The following CFAP299 variants were observed in gnomAD, a reference collection of about 807,000 sequenced individuals.
CFAP299 encodes cilia- and flagella-associated protein 299.
A neutral mutation model predicts 27.0 loss-of-function variants in CFAP299; 21 were observed. That is an observed-to-expected ratio of 0.78 (90% CI 0.55 to 1.12). CFAP299 has a LOEUF of 1.12. CFAP299 is among the 50% of genes most tolerant of loss of function. CFAP299 has a pLI of 0.00. For synonymous variants in CFAP299, 104 were observed against 98.1 expected, an observed-to-expected ratio of 1.06 and a Z score of -0.36; for missense variants, 310 against 276.6, an observed-to-expected ratio of 1.12 and a Z score of -0.86.
chr4:80,675,850 C>T (rs114930788), intron 3 of CFAP299, among the ~76,000 whole-genome samples: 1,641 of 152,302 alleles, frequency 0.011, 33 homozygotes, highest in African/African-American at 0.036. Flanking sequence ...CTGAGGCAGG[C>T]GCAGGATATA....
At chr4:80,660,155 G>T (rs1407706391) in intron 3 of CFAP299, among the ~76,000 whole-genome samples, 1 of 152,068 alleles carries the variant, frequency 6.6e-6, no homozygotes, top group South Asian at 2.1e-4. Context: ...AGAGGAATAT[G>T]GATAGTAGAA....
At chr4:80,663,673 A>G (rs1311910281) in intron 3 of CFAP299, among the ~76,000 whole-genome samples, 1 of 152,216 alleles carries the variant, frequency 6.6e-6, no homozygotes, top group African/African-American at 2.4e-5. Flanking sequence ...GCTGGGCCAA[A>G]TAGTGGTTCT....
At chr4:80,601,663 A>G (rs1737355551) in intron 3 of CFAP299, among the ~76,000 whole-genome samples, 1 of 152,172 alleles carries the variant, frequency 6.6e-6, no homozygotes, top group Admixed American at 6.6e-5. Flanking sequence ...ATAGTGGACA[A>G]TACCTAGGGT....
At chr4:80,472,943 G>T (rs966734263) in intron 2 of CFAP299, among the ~76,000 whole-genome samples, 5 of 152,050 alleles carry the variant, frequency 3.3e-5, no homozygotes, top group Non-Finnish European at 7.4e-5. Context: ...TGCCATACAG[G>T]TGATTAATTG....
At chr4:80,659,917 C>T (rs980414231) in intron 3 of CFAP299, among the ~76,000 whole-genome samples, 4 of 151,796 alleles carry the variant, frequency 2.6e-5, no homozygotes, top group African/African-American at 9.7e-5. Context: ...ATTATTCAAC[C>T]CTTAGTAAAA....
At chr4:80,864,477 T>TAC (rs1348369775) in intron 3 of CFAP299, among the ~76,000 whole-genome samples, 1 of 141,780 alleles carries the variant, frequency 7.1e-6, no homozygotes, top group Non-Finnish European at 1.5e-5. Flanking sequence ...TACCTATGTG[T>TAC]ATACATATAT....
chr4:80,365,812 A>G (rs1013511150), intron 2 of CFAP299, among the ~76,000 whole-genome samples: 1 of 152,208 alleles, frequency 6.6e-6, no homozygotes, highest in Non-Finnish European at 1.5e-5. Flanking sequence ...CGAGTTATTC[A>G]TGTTTAAAGT....
intron 3 of CFAP299, among the ~76,000 whole-genome samples, chr4:80,634,144 A>G (rs1250486149): frequency 6.6e-6 from 1 of 151,904 alleles, no homozygotes; most frequent in Non-Finnish European, 1.5e-5. Context: ...CACCACGCCC[A>G]GCTAATTTTT....
At chr4:80,416,150 AC>A (rs1408196093) in intron 2 of CFAP299, among the ~76,000 whole-genome samples, 1 of 152,208 alleles carries the variant, frequency 6.6e-6, no homozygotes, top group Non-Finnish European at 1.5e-5. Context: ...ACCAGGTGAC[AC>A]CCATCCTGTT....
intron 4 of CFAP299, among the ~76,000 whole-genome samples, chr4:80,922,746 T>A (rs1736109287): frequency 6.6e-6 from 1 of 151,540 alleles, no homozygotes; most frequent in Non-Finnish European, 1.5e-5. Flanking sequence ...ATGAAGAATA[T>A]AAGGTATAAA....
intron 2 of CFAP299, among the ~76,000 whole-genome samples, chr4:80,580,502 G>A (rs7669743): frequency 0.045 from 6,898 of 151,918 alleles, 547 homozygotes; most frequent in African/African-American, 0.16. Context: ...AGGATGCTCT[G>A]TGGGTATGTA....
At chr4:80,400,508 A>G (rs1209095715) in intron 2 of CFAP299, among the ~76,000 whole-genome samples, 1 of 151,542 alleles carries the variant, frequency 6.6e-6, no homozygotes, top group Admixed American at 6.6e-5. Context: ...ACGAGATCTG[A>G]TGGGTTTATC....
chr4:80,488,415 G>T (rs1347489936), intron 2 of CFAP299, among the ~76,000 whole-genome samples: 2 of 151,628 alleles, frequency 1.3e-5, no homozygotes, highest in African/African-American at 4.8e-5. Context: ...TTCATACTAT[G>T]TGCCAGCCTC....
At chr4:80,597,432 C>T (rs1228965901) in intron 3 of CFAP299, among the ~76,000 whole-genome samples, 4 of 152,026 alleles carry the variant, frequency 2.6e-5, no homozygotes, top group African/African-American at 9.7e-5. Context: ...CTTATGTAGG[C>T]AATTTGTACA....
chr4:80,424,828 G>A (rs779280204), intron 2 of CFAP299, among the ~76,000 whole-genome samples: 48 of 152,166 alleles, frequency 3.2e-4, no homozygotes, highest in Middle Eastern at 3.4e-3. Context: ...TTAAACTGTC[G>A]TCAATCACTA....
At chr4:80,747,920 T>C (rs775717384) in intron 3 of CFAP299, among the ~76,000 whole-genome samples, 6 of 152,134 alleles carry the variant, frequency 3.9e-5, no homozygotes, top group Non-Finnish European at 8.8e-5. Flanking sequence ...ATTACTGGTT[T>C]ACTGTTTGTA....
rs1021707351 is a variant in CFAP299, at chr4:80,387,222, G to C, written c.242+24338G>C. The C allele has an allele frequency of 4.8e-6, 7 of 1,452,338 alleles. No individual in the cohort carries two copies. In the East Asian group the frequency reaches 6.8e-5, roughly 14 times the overall value. The allele number at this position is 1,452,338 out of a possible 1,614,324, so 90.0% of individuals were successfully genotyped here. ...TGGTGCACGCTCAGGTCGTACATCG[G>C]GGGTAAGTCCTTGTTGCAGAAGTGG... On this transcript the variant is annotated intron_variant, in intron 2 of 5. Transcript: ENST00000358105.
At chr4:80,841,612 A>G (rs1445939783) in intron 3 of CFAP299, among the ~76,000 whole-genome samples, 1 of 152,112 alleles carries the variant, frequency 6.6e-6, no homozygotes, top group Admixed American at 6.6e-5. Flanking sequence ...ATTATATATG[A>G]TCCCAAATTA....
At chr4:80,613,154 CAA>C (rs1738086508) in intron 3 of CFAP299, among the ~76,000 whole-genome samples, 1 of 152,056 alleles carries the variant, frequency 6.6e-6, no homozygotes, top group Admixed American at 6.6e-5. Flanking sequence ...GATATTAACT[CAA>C]GATATTTTAT....
Sources: gnomAD v4.1 joint callset for allele counts (sites outside exome capture counted in the v4.1 genomes callset) on GRCh38, gnomAD v4.1.1 for gene constraint, MANE v1.5 for transcripts, NCBI Gene and HGNC (gene_info 2026-07-23, HGNC 2026-07-21) for gene names.